ADGRV1: variants seen among roughly 807,000 people sequenced by gnomAD.
The protein encoded by ADGRV1 is G-protein coupled receptor 98.
Under a neutral mutation model 596.2 loss-of-function variants are expected in ADGRV1, and 359 were observed. The observed-to-expected ratio is 0.60, with a 90% CI of 0.55 to 0.66. The LOEUF (loss-of-function observed/expected upper bound fraction) is 0.66, where lower values mean the gene tolerates loss of function less well. Ranked by LOEUF, ADGRV1 falls within the 30% of genes least tolerant of loss-of-function variation. The probability of loss-of-function intolerance (pLI) is 0.00; values close to 1 mark genes in which losing one functional copy is unlikely to be tolerated. For synonymous variants in ADGRV1, 2,681 were observed against 2,679.2 expected (o/e 1.00, Z -0.02); for missense variants, 7,274 against 7,575.6 (o/e 0.96, Z 1.48).
intron 25 of ADGRV1, among the ~76,000 whole-genome samples, chr5:90,677,364 C>G (rs1017806840): frequency 3.9e-5 from 6 of 152,132 alleles, no homozygotes; most frequent in African/African-American, 1.2e-4. Flanking sequence ...CAGTGCTGAG[C>G]TTGGTTGAAT....
At chr5:91,083,518 TTTTTTG>T (rs1308440953) in intron 86 of ADGRV1, among the ~76,000 whole-genome samples, 1 of 151,928 alleles carries the variant, frequency 6.6e-6, no homozygotes, top group African/African-American at 2.4e-5. Context: ...TTGTTTTTTG[TTTTTTG>T]TTTTTTGTTT....
chr5:90,577,380 T>A (rs1369168517), intron 1 of ADGRV1, among the ~76,000 whole-genome samples: 1 of 152,196 alleles, frequency 6.6e-6, no homozygotes, highest in Non-Finnish European at 1.5e-5. Context: ...AAGAATCCTT[T>A]CCCCATTTCT....
At chr5:91,127,810 A>G (rs1793897193) in intron 87 of ADGRV1, among the ~76,000 whole-genome samples, 1 of 152,172 alleles carries the variant, frequency 6.6e-6, no homozygotes, top group South Asian at 2.1e-4. Context: ...TTCAAATTCA[A>G]CAGACCAGCA....
intron 85 of ADGRV1, among the ~76,000 whole-genome samples, chr5:91,027,142 A>AG (rs762694478): frequency 1.9e-5 from 1 of 53,790 alleles, no homozygotes; most frequent in Non-Finnish European, 4.5e-5. Context: ...ACACAGTCTC[A>AG]AAACACACAC....
intron 85 of ADGRV1, among the ~76,000 whole-genome samples, chr5:91,061,765 A>G (rs1460570046): frequency 6.6e-6 from 1 of 152,222 alleles, no homozygotes; most frequent in East Asian, 1.9e-4. Flanking sequence ...GTCAATATGT[A>G]GAGTTAGTTA....
chr5:90,570,197 T>C (rs1464982023), intron 1 of ADGRV1, among the ~76,000 whole-genome samples: 20 of 152,208 alleles, frequency 1.3e-4, no homozygotes, highest in Admixed American at 1.3e-3. Flanking sequence ...AATTTTGGAA[T>C]GACAATTTTG....
intron 1 of ADGRV1, among the ~76,000 whole-genome samples, chr5:90,585,826 G>A (rs1055609882): frequency 6.6e-6 from 1 of 152,190 alleles, no homozygotes; most frequent in Non-Finnish European, 1.5e-5. Flanking sequence ...CATAGAGAAC[G>A]AAGCCATCTT....
intron 87 of ADGRV1, among the ~76,000 whole-genome samples, chr5:91,117,961 G>A (rs1266358884): frequency 1.3e-5 from 2 of 152,148 alleles, no homozygotes; most frequent in Admixed American, 6.5e-5. Context: ...CAGGAACAGT[G>A]CTCAGAAAAT....
At chr5:90,914,747 T>C (rs1030239577) in intron 83 of ADGRV1, among the ~76,000 whole-genome samples, 2 of 152,210 alleles carry the variant, frequency 1.3e-5, no homozygotes. Flanking sequence ...AGTTTAAACC[T>C]ACCAGCTAAG....
At chr5:90,901,636 C>A (rs970538324) in intron 83 of ADGRV1, among the ~76,000 whole-genome samples, 26 of 152,082 alleles carry the variant, frequency 1.7e-4, no homozygotes, top group African/African-American at 6.0e-4. Context: ...ACTTGGCCTC[C>A]TTTGCTTGCT....
In ADGRV1 at chr5:90,867,363, G is replaced by A. The variant is rs920240629; in HGVS notation, c.17856+3506G>A. On this transcript the variant is annotated intron_variant, in intron 83 of 89. Transcript: ENST00000405460. ...TTCATCTAGAAATGTGTATAAGTCC[G>A]TACATTAACCGCAAGACTATAGCTT... is the stretch of plus-strand genomic sequence containing the variant. Among the ~76,000 whole-genome samples the A allele has an allele frequency of 6.6e-5, 10 of 152,044 alleles. No individual in the cohort carries two copies. The South Asian group carries it at 1.0e-3, about 16-fold the overall frequency.
At chr5:90,968,084 G>T (rs1441569611) in intron 84 of ADGRV1, among the ~76,000 whole-genome samples, 1 of 152,158 alleles carries the variant, frequency 6.6e-6, no homozygotes, top group East Asian at 1.9e-4. Context: ...AACTAACCTG[G>T]AAAGAATTTA....
At chr5:91,083,226 C>T (rs1789561445) in intron 86 of ADGRV1, among the ~76,000 whole-genome samples, 2 of 147,762 alleles carry the variant, frequency 1.4e-5, no homozygotes, top group South Asian at 4.3e-4. Context: ...GGACATCACA[C>T]ACTGGGGCCT....
intron 83 of ADGRV1, among the ~76,000 whole-genome samples, chr5:90,933,799 A>G (rs1000307114): frequency 6.6e-6 from 1 of 152,132 alleles, no homozygotes; most frequent in African/African-American, 2.4e-5. Context: ...ATCTCAGTCC[A>G]CACACAGAGA....
At chr5:90,932,640 G>A (rs966209678) in intron 83 of ADGRV1, among the ~76,000 whole-genome samples, 7 of 152,078 alleles carry the variant, frequency 4.6e-5, no homozygotes, top group African/African-American at 1.4e-4. Flanking sequence ...ATTTTCAAAT[G>A]TAAAAACATA....
At chr5:90,580,769 C>T (rs980530512) in intron 1 of ADGRV1, among the ~76,000 whole-genome samples, 16 of 151,918 alleles carry the variant, frequency 1.1e-4, no homozygotes, top group African/African-American at 3.6e-4. Context: ...TGGGGTTGCT[C>T]TTCTGGAGGA....
intron 83 of ADGRV1, among the ~76,000 whole-genome samples, chr5:90,920,976 T>C (rs1319059255): frequency 6.6e-6 from 1 of 152,206 alleles, no homozygotes; most frequent in Non-Finnish European, 1.5e-5. Context: ...TGTTATCAAA[T>C]CATGTGAACT....
At chr5:90,978,190 G>C (rs1330380494) in intron 84 of ADGRV1, among the ~76,000 whole-genome samples, 1 of 151,970 alleles carries the variant, frequency 6.6e-6, no homozygotes, top group African/African-American at 2.4e-5. Context: ...AGCTACTAGG[G>C]AGGCTGAGGC....
chr5:90,712,451 C>T, intron 42 of ADGRV1, 23 bp downstream of exon 42: 1 of 1,540,456 alleles, frequency 6.5e-7, no homozygotes, highest in South Asian at 1.2e-5. Context: ...TTCTTATAAA[C>T]AGCTTCCTCT....
Sources: allele counts gnomAD v4.1 joint callset (sites outside exome capture counted in the v4.1 genomes callset), GRCh38; gene constraint gnomAD v4.1.1; transcripts MANE v1.5; gene names NCBI Gene and HGNC (gene_info 2026-07-23, HGNC 2026-07-21).